OCA2: variants seen among roughly 807,000 people sequenced by gnomAD.
OCA2 encodes the protein OCA2 melanosomal transmembrane protein.
OCA2 carries 77 observed loss-of-function variants against 100.2 expected under a neutral mutation model. That is an observed-to-expected ratio of 0.77 (90% CI 0.64 to 0.93). The LOEUF (loss-of-function observed/expected upper bound fraction) is 0.93. OCA2 is among the 40% of genes least tolerant of loss of function. The pLI is 0.00. For missense variants in OCA2, 1,062 were observed against 1,089.1 expected, an observed-to-expected ratio of 0.98 and a Z score of 0.35; for synonymous variants, 432 against 439.2, an observed-to-expected ratio of 0.98 and a Z score of 0.21.
chr15:27,940,447 C>T (rs1019935884), intron 18 of OCA2, among the ~76,000 whole-genome samples: 2 of 152,210 alleles, frequency 1.3e-5, no homozygotes, highest in Non-Finnish European at 2.9e-5. Flanking sequence ...TCAGTTCTAT[C>T]CCCTGTCTCT....
rs1300797371 is a variant in OCA2, at chr15:27,814,316, A to C, written c.2432+30643T>G. On this transcript the variant is annotated intron_variant, in intron 23 of 23. Transcript: ENST00000354638. ...TGAATAAGATAGAAGACTGAAGTGC[A>C]TAAAATGTATAACAGTAAACGAAAG... Among the ~76,000 whole-genome samples the C allele has an allele frequency of 2.6e-5, 4 of 152,240 alleles. No homozygotes were observed. In the East Asian group the frequency reaches 7.7e-4, roughly 29 times the overall value.
chr15:27,849,920 A>G (rs944791468), intron 22 of OCA2, among the ~76,000 whole-genome samples: 1 of 151,960 alleles, frequency 6.6e-6, no homozygotes, highest in African/African-American at 2.4e-5. Context: ...ACACAACTGC[A>G]CTCCTGCCGT....
At position 28,051,782 on chromosome 15, in the gene OCA2, A is replaced by T. The variant is rs115920846; in HGVS notation, c.228-19619T>A. On this transcript the variant is annotated intron_variant, in intron 2 of 23. Transcript: ENST00000354638. ...TAGTCTCCGAAGGGTGCAGGCGGGG[A>T]CCATGGGATGCTTGGGCACTGGTTG... Among the ~76,000 whole-genome samples the T allele has an allele frequency of 4.4e-3, 662 of 150,402 alleles. 7 individuals are homozygous for T. The highest frequency in any genetic ancestry group is 0.015 in the African/African-American group (632 of 40,908).
At chr15:27,792,954 G>A (rs1172987115) in intron 23 of OCA2, among the ~76,000 whole-genome samples, 1 of 152,228 alleles carries the variant, frequency 6.6e-6, no homozygotes, top group African/African-American at 2.4e-5. Context: ...CTGGCGTCCA[G>A]CACAACTTCA....
intron 14 of OCA2, among the ~76,000 whole-genome samples, chr15:27,971,342 A>G (rs1167164621): frequency 6.6e-6 from 1 of 152,198 alleles, no homozygotes; most frequent in African/African-American, 2.4e-5. Flanking sequence ...GAGACTTTTC[A>G]GGTATTATTT....
intron 23 of OCA2, among the ~76,000 whole-genome samples, chr15:27,795,488 C>G (rs1279511176): frequency 1.3e-5 from 2 of 152,092 alleles, no homozygotes; most frequent in East Asian, 1.9e-4. Flanking sequence ...CCTCCCTTGC[C>G]CAACTCACTG....
the OCA2 span, among the ~76,000 whole-genome samples, chr15:27,723,637 C>T: frequency 6.6e-6 from 1 of 152,186 alleles, no homozygotes; most frequent in African/African-American, 2.4e-5. Context: ...ACTTCCTGGG[C>T]GGCTTCAATC....
chr15:27,959,789 C>T (rs1417255675), intron 15 of OCA2, among the ~76,000 whole-genome samples: 1 of 152,224 alleles, frequency 6.6e-6, no homozygotes, highest in Non-Finnish European at 1.5e-5. Flanking sequence ...CATGCACACC[C>T]AGCACCTACC....
chr15:27,988,696 T>A (rs745967200), intron 11 of OCA2, among the ~76,000 whole-genome samples: 1 of 152,122 alleles, frequency 6.6e-6, no homozygotes, highest in Non-Finnish European at 1.5e-5. Context: ...CATTCCTTTT[T>A]TAAAAAAGGC....
At chr15:27,795,656 A>C (rs2033298894) in intron 23 of OCA2, among the ~76,000 whole-genome samples, 2 of 152,198 alleles carry the variant, frequency 1.3e-5, no homozygotes, top group African/African-American at 4.8e-5. Context: ...TTATCAGTTC[A>C]AGTTTCCAAG....
At chr15:27,748,670 T>C in the OCA2 span, among the ~76,000 whole-genome samples, 1 of 152,160 alleles carries the variant, frequency 6.6e-6, no homozygotes, top group Non-Finnish European at 1.5e-5. Flanking sequence ...AAAACTTGGA[T>C]AAGAAAAGAC....
At chr15:28,035,827 T>C (rs1052673910) in intron 2 of OCA2, among the ~76,000 whole-genome samples, 2 of 152,208 alleles carry the variant, frequency 1.3e-5, no homozygotes, top group Non-Finnish European at 2.9e-5. Context: ...TATACATTTA[T>C]ACTTATTTTA....
intron 23 of OCA2, among the ~76,000 whole-genome samples, chr15:27,770,591 G>A (rs1448842280): frequency 6.6e-6 from 1 of 151,714 alleles, no homozygotes; most frequent in African/African-American, 2.4e-5. Context: ...GCCCAGCGCA[G>A]CTGCCCTTGG....
intron 9 of OCA2, among the ~76,000 whole-genome samples, chr15:27,993,841 C>T (rs1279602098): frequency 6.6e-6 from 1 of 152,202 alleles, no homozygotes; most frequent in African/African-American, 2.4e-5. Context: ...GAAACCATCA[C>T]TTCCCATTTA....
At chr15:27,840,688 T>C (rs1340477385) in intron 23 of OCA2, among the ~76,000 whole-genome samples, 2 of 152,186 alleles carry the variant, frequency 1.3e-5, no homozygotes, top group African/African-American at 4.8e-5. Flanking sequence ...CAAACGGTGC[T>C]AGAGTGCAGT....
chr15:27,849,642 C>T (rs2035674562), intron 22 of OCA2, among the ~76,000 whole-genome samples: 1 of 151,914 alleles, frequency 6.6e-6, no homozygotes, highest in Admixed American at 6.6e-5. Context: ...TTAAAGTGTT[C>T]CTCAGAATGC....
chr15:28,019,377 A>T (rs2042516898), intron 6 of OCA2, among the ~76,000 whole-genome samples: 1 of 152,034 alleles, frequency 6.6e-6, no homozygotes, highest in South Asian at 2.1e-4. Context: ...ACCTGGTTGT[A>T]GAGGTTTGCT....
chr15:27,962,507 C>T (rs1254709542), intron 15 of OCA2, among the ~76,000 whole-genome samples: 1 of 152,160 alleles, frequency 6.6e-6, no homozygotes, highest in African/African-American at 2.4e-5. Flanking sequence ...GAGTAGTGAG[C>T]TCAGAGCTGG....
At position 27,983,340 on chromosome 15, in the gene OCA2, C is replaced by T. The variant is rs368124046; in HGVS notation, c.1503+5G>A. ...TGGAAGCAACCCTAGCATGCTGGTA[C>T]GTACCATCTTCCTCAGCTCTTGGTT... On this transcript the variant is annotated splice_donor_5th_base_variant and intron_variant, in intron 14 of 23. Coordinates refer to ENST00000354638, the MANE Select transcript of OCA2 (RefSeq NM_000275.3). The T allele has an allele frequency of 4.3e-5, 69 of 1,614,106 alleles. No homozygotes were observed. Among genetic ancestry groups the T allele is most frequent in the Middle Eastern group, 3.3e-4 (2 of 6,042 alleles).
Sources: allele counts gnomAD v4.1 joint callset (sites outside exome capture counted in the v4.1 genomes callset), GRCh38; gene constraint gnomAD v4.1.1; transcripts MANE v1.5; gene names NCBI Gene and HGNC (gene_info 2026-07-23, HGNC 2026-07-21).